The following RANBP2 variants were observed in gnomAD, a reference collection of about 807,000 sequenced individuals.
RANBP2 encodes E3 SUMO-protein ligase RanBP2.
Under a neutral mutation model 303.6 loss-of-function variants are expected in RANBP2, and 57 were observed. The ratio of observed to expected loss-of-function variants is 0.19; its 90% confidence interval spans 0.15 to 0.23. The LOEUF (loss-of-function observed/expected upper bound fraction) is 0.23, where lower values mean the gene tolerates loss of function less well. Among genes scored for constraint, RANBP2 ranks in the 10% least tolerant of loss-of-function variants. The pLI, the probability that RANBP2 is intolerant of heterozygous loss-of-function variation, is 1.00. For missense variants in RANBP2, 3,138 were observed against 3,780.8 expected (o/e 0.83, Z 4.46); for synonymous variants, 1,167 against 1,301.5 (o/e 0.90, Z 2.23).
the RANBP2 span, among the ~76,000 whole-genome samples, chr2:109,434,574 T>C: frequency 6.6e-6 from 1 of 152,328 alleles, no homozygotes; most frequent in East Asian, 1.9e-4. Flanking sequence ...ACCCTCTTCC[T>C]GCTTCTGAGT....
At chr2:108,897,889 G>A in the RANBP2 span, among the ~76,000 whole-genome samples, 1 of 152,170 alleles carries the variant, frequency 6.6e-6, no homozygotes, top group African/African-American at 2.4e-5. Flanking sequence ...CTGAAAAGTG[G>A]AGAAAAGAAG....
the RANBP2 span, among the ~76,000 whole-genome samples, chr2:109,140,321 A>G: frequency 2.6e-5 from 4 of 151,362 alleles, no homozygotes. Flanking sequence ...TCATAAATCT[A>G]CTTATAATGC....
the RANBP2 span, among the ~76,000 whole-genome samples, chr2:109,632,965 TTG>T: frequency 3.3e-5 from 5 of 152,204 alleles, no homozygotes; most frequent in African/African-American, 1.2e-4. Context: ...CTTCTTTGTA[TTG>T]TACTCGCGCT....
rs192689598 is a variant in RANBP2, at chr2:108,720,619, G to C, written c.72+941G>C. 6.6e-3 allele frequency among the ~76,000 whole-genome samples: 1,007 copies of C among 152,266 alleles called. 9 individuals carry two copies. The highest frequency in any genetic ancestry group is 0.012 in the Non-Finnish European group (829 of 68,020). ...TTTATAAGCTGGGTATTTGGGGCCA[G>C]TTACACTTTTCATCCATAGATGGAG... On this transcript the variant is annotated intron_variant, in intron 1 of 28. Transcript: ENST00000283195.
In RANBP2 at chr2:108,771,824, T is replaced by G; in HGVS notation, c.7973T>G (p.Phe2658Cys). The G allele has an allele frequency of 6.2e-7, 1 of 1,614,054 alleles. No individual in the cohort carries two copies. The highest frequency in any genetic ancestry group is 8.5e-7 in the Non-Finnish European group (1 of 1,179,954). ...ATKLKLPPTF[F>C]CYKNRPDYVS... is the part of the protein sequence containing the mutation. Reference sequence around the variant, plus strand: ...AAACTTAAACTTCCTCCAACTTTCTTCTGCTACAAGAATAGACCAGATTAT... The same window carrying G: ...AAACTTAAACTTCCTCCAACTTTCTGCTGCTACAAGAATAGACCAGATTAT... The change falls in exon 21 of 29, where the codon TTC becomes TGC. Residue 2658 changes from phenylalanine (F) to cysteine (C), a missense_variant. Phe to Cys is a radical substitution (Grantham distance 205). This residue lies in a region of RANBP2 where 497 missense variants were observed against 465.8 expected (regional missense o/e 1.07). Coordinates refer to ENST00000283195, the MANE Select transcript of RANBP2 (RefSeq NM_006267.5).
the RANBP2 span, among the ~76,000 whole-genome samples, chr2:109,257,508 C>G: frequency 6.6e-6 from 1 of 152,072 alleles, no homozygotes; most frequent in African/African-American, 2.4e-5. Context: ...AAGGGCACAC[C>G]AAGAGTCTGG....
chr2:109,067,707 C>T, the RANBP2 span, among the ~76,000 whole-genome samples: 4 of 152,246 alleles, frequency 2.6e-5, no homozygotes, highest in Non-Finnish European at 5.9e-5. Flanking sequence ...CCCCAAACCA[C>T]CCTCTCCTGG....
the RANBP2 span, among the ~76,000 whole-genome samples, chr2:108,809,448 T>TTGTGTGTGTG: frequency 8.2e-4 from 116 of 141,222 alleles, 1 homozygote; most frequent in South Asian, 4.0e-3. Context: ...ACATGAAATG[T>TTGTGTGTGTG]TGTGTGTGTG....
At chr2:108,976,273 T>C in the RANBP2 span, among the ~76,000 whole-genome samples, 1 of 152,338 alleles carries the variant, frequency 6.6e-6, no homozygotes, top group Admixed American at 6.5e-5. Flanking sequence ...AGGTGTTTTG[T>C]AGAATCCTCC....
the RANBP2 span, among the ~76,000 whole-genome samples, chr2:109,279,565 C>G: frequency 2.0e-5 from 3 of 152,210 alleles, no homozygotes; most frequent in Non-Finnish European, 4.4e-5. Flanking sequence ...ATGAGGAGCA[C>G]TTGCAGTTGC....
the RANBP2 span, among the ~76,000 whole-genome samples, chr2:109,331,485 C>T: frequency 1.5e-3 from 235 of 152,194 alleles, no homozygotes; most frequent in African/African-American, 4.9e-3. Flanking sequence ...TCAGGGCTCC[C>T]GCGTCTACTC....
chr2:108,972,859 T>C, the RANBP2 span, among the ~76,000 whole-genome samples: 1 of 152,246 alleles, frequency 6.6e-6, no homozygotes, highest in Non-Finnish European at 1.5e-5. Context: ...TTCTCCTCTT[T>C]GCCTTCTTGA....
At chr2:109,193,034 C>G in the RANBP2 span, among the ~76,000 whole-genome samples, 1 of 152,226 alleles carries the variant, frequency 6.6e-6, no homozygotes, top group Non-Finnish European at 1.5e-5. Context: ...GATCCATCAA[C>G]AGATGTCAAT....
the RANBP2 span, among the ~76,000 whole-genome samples, chr2:109,011,327 A>G: frequency 2.0e-5 from 3 of 152,046 alleles, no homozygotes; most frequent in African/African-American, 4.8e-5. Flanking sequence ...TTCTTTATTC[A>G]TAGTTTGGAT....
chr2:109,177,508 C>T, the RANBP2 span, among the ~76,000 whole-genome samples: 1 of 151,946 alleles, frequency 6.6e-6, no homozygotes, highest in Non-Finnish European at 1.5e-5. Flanking sequence ...TGTGTGAAGC[C>T]ACTATTTAAC....
the RANBP2 span, among the ~76,000 whole-genome samples, chr2:108,881,784 T>C: frequency 6.6e-6 from 1 of 152,168 alleles, no homozygotes; most frequent in Non-Finnish European, 1.5e-5. Context: ...CACAAATTCA[T>C]CAATTAAGTT....
At chr2:108,980,094 G>A in the RANBP2 span, among the ~76,000 whole-genome samples, 1 of 148,848 alleles carries the variant, frequency 6.7e-6, no homozygotes, top group Admixed American at 6.7e-5. Context: ...AATGAATGGT[G>A]TGGGGTGGGG....
intron 3 of RANBP2, 121 bp downstream of exon 3, chr2:108,731,006 A>G (rs1695126994): frequency 7.9e-7 from 1 of 1,266,984 alleles, no homozygotes; most frequent in Non-Finnish European, 1.1e-6. Context: ...GTATCATAGT[A>G]CAGTTACGTG....
At chr2:109,544,173 A>C in the RANBP2 span, 1 of 1,582,074 alleles carries the variant, frequency 6.3e-7, no homozygotes, top group Non-Finnish European at 8.6e-7. Context: ...ACTTTTCCAT[A>C]AATATCAGTA....
Sources: gnomAD v4.1 joint callset for allele counts (sites outside exome capture counted in the v4.1 genomes callset) on GRCh38, gnomAD v4.1.1 for gene constraint, gnomAD v4.1.1 regional missense constraint, MANE v1.5 for transcripts, NCBI Gene and HGNC (gene_info 2026-07-23, HGNC 2026-07-21) for gene names.